The following ITPR2 variants were observed in gnomAD, a reference collection of about 807,000 sequenced individuals.
ITPR2 encodes inositol 1,4,5-trisphosphate receptor type 2.
Under a neutral mutation model 317.1 loss-of-function variants are expected in ITPR2, and 207 were observed. The ratio of observed to expected loss-of-function variants is 0.65; its 90% CI spans 0.58 to 0.73. ITPR2 has a LOEUF of 0.73. ITPR2 is among the 30% of genes least tolerant of loss of function. ITPR2 has a pLI of 0.00. For synonymous variants in ITPR2, 1,156 were observed against 1,149.1 expected, an observed-to-expected ratio of 1.01 and a Z score of -0.12; for missense variants, 2,613 against 3,284.0, an observed-to-expected ratio of 0.80 and a Z score of 4.99.
At chr12:26,611,207 C>T (rs1946258194) in intron 26 of ITPR2, among the ~76,000 whole-genome samples, 1 of 152,212 alleles carries the variant, frequency 6.6e-6, no homozygotes, top group African/African-American at 2.4e-5. Flanking sequence ...AAAATCAGTA[C>T]ACAGCCCCTT....
At chr12:26,609,428 G>A (rs1591958409) in intron 26 of ITPR2, among the ~76,000 whole-genome samples, 1 of 152,080 alleles carries the variant, frequency 6.6e-6, no homozygotes, top group African/African-American at 2.4e-5. Context: ...GCCATATGGT[G>A]AAACCCCATG....
chr12:26,533,401 C>T (rs532491327), intron 37 of ITPR2, among the ~76,000 whole-genome samples: 19 of 152,148 alleles, frequency 1.2e-4, no homozygotes, highest in South Asian at 2.1e-4. Flanking sequence ...TGTAGATGCC[C>T]GCAAGCTGCT....
chr12:26,509,978 G>C (rs1200966799), intron 37 of ITPR2, among the ~76,000 whole-genome samples: 2 of 119,724 alleles, frequency 1.7e-5, no homozygotes, highest in African/African-American at 5.8e-5. Flanking sequence ...GTGTGTGTGT[G>C]TGTGTGTGTG....
intron 15 of ITPR2, among the ~76,000 whole-genome samples, chr12:26,661,447 A>G (rs189593187): frequency 1.7e-3 from 264 of 152,208 alleles, no homozygotes; most frequent in Middle Eastern, 3.4e-3. Flanking sequence ...CATGTCGCCC[A>G]GGGAACCTAC....
intron 2 of ITPR2, among the ~76,000 whole-genome samples, chr12:26,741,458 C>T (rs922271503): frequency 2.6e-5 from 4 of 152,158 alleles, no homozygotes; most frequent in African/African-American, 9.7e-5. Context: ...CAGTTTTATA[C>T]ACATGTTTTA....
chr12:26,761,235 C>T (rs1949627123), intron 2 of ITPR2, among the ~76,000 whole-genome samples: 1 of 152,234 alleles, frequency 6.6e-6, no homozygotes, highest in East Asian at 1.9e-4. Context: ...ATCAGCAATC[C>T]TGCCTGAGAA....
At chr12:26,772,423 T>TTATATATATAATACATGTATTA (rs3064577) in intron 2 of ITPR2, among the ~76,000 whole-genome samples, 4 of 93,958 alleles carry the variant, frequency 4.3e-5, no homozygotes, top group East Asian at 3.1e-4. Context: ...TTTATATATA[T>TTATATATATAATACATGTATTA]TATATATAAT....
At chr12:26,745,427 C>A (rs1356375902) in intron 2 of ITPR2, among the ~76,000 whole-genome samples, 1 of 152,222 alleles carries the variant, frequency 6.6e-6, no homozygotes, top group Non-Finnish European at 1.5e-5. Context: ...AATATTCTAA[C>A]AATCCGATTA....
chr12:26,593,768 T>C (rs568802406), intron 32 of ITPR2, among the ~76,000 whole-genome samples: 52 of 152,022 alleles, frequency 3.4e-4, no homozygotes, highest in Middle Eastern at 6.8e-3. Context: ...AAAAAAAGAA[T>C]GTAAATCTGT....
At chr12:26,572,687 AT>A (rs768784602) in intron 34 of ITPR2, among the ~76,000 whole-genome samples, 1 of 152,158 alleles carries the variant, frequency 6.6e-6, no homozygotes, top group Non-Finnish European at 1.5e-5. Flanking sequence ...TGCAGTCCTT[AT>A]TTTTGGTTAA....
chr12:26,687,472 G>A (rs1948149428), intron 10 of ITPR2, among the ~76,000 whole-genome samples: 1 of 152,170 alleles, frequency 6.6e-6, no homozygotes, highest in African/African-American at 2.4e-5. Context: ...TCACAGGAAG[G>A]TGAATGAAAC....
chr12:26,658,228 TTA>T (rs1481833198), intron 16 of ITPR2, 98 bp from the exon 17 acceptor site: 1 of 792,254 alleles, frequency 1.3e-6, no homozygotes, highest in African/African-American at 1.8e-5. Context: ...AATAAACTTA[TTA>T]TATGTTTTAA....
intron 41 of ITPR2, among the ~76,000 whole-genome samples, chr12:26,484,273 GAA>G (rs962785271): frequency 6.8e-6 from 1 of 147,572 alleles, no homozygotes; most frequent in African/African-American, 2.5e-5. Context: ...CGGAAAAAGA[GAA>G]AAAAAAACTA....
At chr12:26,770,163 C>T (rs1432756807) in intron 2 of ITPR2, among the ~76,000 whole-genome samples, 1 of 152,150 alleles carries the variant, frequency 6.6e-6, no homozygotes, top group Non-Finnish European at 1.5e-5. Flanking sequence ...GAAGACTTCA[C>T]CAAGGACCTT....
intron 5 of ITPR2, among the ~76,000 whole-genome samples, chr12:26,718,800 C>G (rs889111597): frequency 4.0e-5 from 6 of 151,762 alleles, no homozygotes; most frequent in African/African-American, 1.5e-4. Flanking sequence ...TTAGTAGATA[C>G]GGGGTTTCAC....
At chr12:26,391,622 T>C (rs1194757814) in intron 54 of ITPR2, among the ~76,000 whole-genome samples, 7 of 137,362 alleles carry the variant, frequency 5.1e-5, no homozygotes, top group Non-Finnish European at 9.1e-5. Flanking sequence ...TGGAGCGCAG[T>C]GGTGCGATCT....
At chr12:26,691,744 C>A (rs1027672284) in intron 10 of ITPR2, among the ~76,000 whole-genome samples, 1 of 151,968 alleles carries the variant, frequency 6.6e-6, no homozygotes. Context: ...ACAGACATCA[C>A]GTTGCAATTC....
At chr12:26,504,425 C>G (rs1943140812) in intron 37 of ITPR2, among the ~76,000 whole-genome samples, 1 of 151,914 alleles carries the variant, frequency 6.6e-6, no homozygotes, top group Admixed American at 6.6e-5. Context: ...CATTAAGAAT[C>G]TTGTAGAAAA....
intron 2 of ITPR2, among the ~76,000 whole-genome samples, chr12:26,745,190 C>G (rs1949298852): frequency 6.6e-6 from 1 of 152,214 alleles, no homozygotes; most frequent in South Asian, 2.1e-4. Context: ...AACATGAGAA[C>G]ATAAAGAAGC....
Sources: allele counts gnomAD v4.1 joint callset (sites outside exome capture counted in the v4.1 genomes callset), GRCh38; gene constraint gnomAD v4.1.1; transcripts MANE v1.5; gene names NCBI Gene and HGNC (gene_info 2026-07-23, HGNC 2026-07-21).